The following FARS2 variants were observed in gnomAD, a reference collection of about 807,000 sequenced individuals.
FARS2 encodes the protein phenylalanine--tRNA ligase, mitochondrial.
FARS2 carries 40 observed loss-of-function variants against 46.4 expected under a neutral mutation model. The observed-to-expected ratio is 0.86, with a 90% CI of 0.67 to 1.12. FARS2 has a LOEUF of 1.12. Among genes scored for constraint, FARS2 ranks in the 50% most tolerant of loss-of-function variants. The probability of loss-of-function intolerance (pLI) is 0.00; values close to 1 mark genes in which losing one functional copy is unlikely to be tolerated. For missense variants in FARS2, 513 were observed against 567.9 expected (o/e 0.90, Z 0.98); for synonymous variants, 234 against 214.9 (o/e 1.09, Z -0.78).
intron 1 of FARS2, among the ~76,000 whole-genome samples, chr6:5,330,350 A>G (rs1450974507): frequency 1.3e-5 from 2 of 152,070 alleles, no homozygotes; most frequent in Non-Finnish European, 1.5e-5. Context: ...TCTGAGACCT[A>G]CTTCGCCATG....
intron 5 of FARS2, among the ~76,000 whole-genome samples, chr6:5,575,617 T>G (rs1330872158): frequency 6.6e-6 from 1 of 152,244 alleles, no homozygotes. Flanking sequence ...CTCCCCATAG[T>G]GTCCTTAATT....
chr6:5,272,087 C>T (rs1765996625), intron 1 of FARS2, among the ~76,000 whole-genome samples: 1 of 152,024 alleles, frequency 6.6e-6, no homozygotes, highest in Admixed American at 6.6e-5. Flanking sequence ...GAAACCTGCC[C>T]AGGGCATGAA....
intron 1 of FARS2, among the ~76,000 whole-genome samples, chr6:5,280,963 T>C (rs534748933): frequency 9.8e-5 from 15 of 152,330 alleles, no homozygotes; most frequent in African/African-American, 3.6e-4. Context: ...TTTTGATTTA[T>C]ATTATTTTAA....
At chr6:5,558,330 G>A (rs1771786509) in intron 5 of FARS2, among the ~76,000 whole-genome samples, 1 of 152,190 alleles carries the variant, frequency 6.6e-6, no homozygotes, top group African/African-American at 2.4e-5. Context: ...TACTTTGTAG[G>A]TAGAGTGTCA....
intron 6 of FARS2, among the ~76,000 whole-genome samples, chr6:5,667,395 A>T (rs780832539): frequency 3.3e-5 from 5 of 151,830 alleles, no homozygotes; most frequent in African/African-American, 1.2e-4. Context: ...GTGCATGCCT[A>T]AAGTCCCAGC....
chr6:5,266,273 C>T (rs577598626), intron 1 of FARS2, among the ~76,000 whole-genome samples: 11 of 152,088 alleles, frequency 7.2e-5, no homozygotes, highest in Admixed American at 1.3e-4. Flanking sequence ...GGTAATACAT[C>T]GGCTTTCATA....
chr6:5,560,117 G>A (rs1473754929), intron 5 of FARS2, among the ~76,000 whole-genome samples: 1 of 152,088 alleles, frequency 6.6e-6, no homozygotes, highest in Admixed American at 6.5e-5. Flanking sequence ...CGAACTAAAT[G>A]AACTATGGTG....
rs533362075 is a variant in FARS2, at chr6:5,416,327, C to T, written c.772+11626C>T. Among the ~76,000 whole-genome samples the T allele has an allele frequency of 2.0e-4, 30 of 152,278 alleles. No individual in the cohort carries two copies. The South Asian group carries it at 5.0e-3, about 25-fold the overall frequency. On this transcript the variant is annotated intron_variant, in intron 3 of 6. Coordinates refer to ENST00000274680, the MANE Select transcript of FARS2 (RefSeq NM_006567.5). ...AGAATTTTATGGATGATCTGAGGTA[C>T]GGATTGAAATTTTGTTTTCCATATT...
chr6:5,392,313 G>A (rs1259488799), intron 2 of FARS2, among the ~76,000 whole-genome samples: 2 of 152,092 alleles, frequency 1.3e-5, no homozygotes, highest in Non-Finnish European at 2.9e-5. Context: ...TCTGTGTTGT[G>A]TTGTGCACAT....
intron 3 of FARS2, among the ~76,000 whole-genome samples, chr6:5,418,404 C>T (rs1465496866): frequency 6.6e-6 from 1 of 152,204 alleles, no homozygotes; most frequent in Admixed American, 6.5e-5. Context: ...CTAGGCAGGA[C>T]CAGTATAGAG....
chr6:5,439,146 T>C (rs1763700376), intron 4 of FARS2, among the ~76,000 whole-genome samples: 1 of 152,222 alleles, frequency 6.6e-6, no homozygotes, highest in Non-Finnish European at 1.5e-5. Flanking sequence ...CTTAAGGGGT[T>C]AGTCTGCAAC....
intron 6 of FARS2, among the ~76,000 whole-genome samples, chr6:5,730,701 A>G (rs899827143): frequency 5.3e-5 from 8 of 152,184 alleles, no homozygotes; most frequent in Admixed American, 2.0e-4. Context: ...AGAGTTGGCA[A>G]TCTTCTAGAG....
At chr6:5,584,344 A>C (rs1233282993) in intron 5 of FARS2, among the ~76,000 whole-genome samples, 1 of 152,180 alleles carries the variant, frequency 6.6e-6, no homozygotes, top group Non-Finnish European at 1.5e-5. Flanking sequence ...TAATTTTTGC[A>C]ACATCATCAT....
intron 6 of FARS2, among the ~76,000 whole-genome samples, chr6:5,730,655 G>A (rs1263630111): frequency 6.6e-6 from 1 of 152,078 alleles, no homozygotes; most frequent in East Asian, 1.9e-4. Flanking sequence ...CCTCCTAAGA[G>A]GAGCAAAATA....
chr6:5,545,153 A>C, intron 4 of FARS2, 27 bp from the exon 5 acceptor site: 1 of 1,611,944 alleles, frequency 6.2e-7, no homozygotes, highest in Non-Finnish European at 8.5e-7. Flanking sequence ...ACTTTTTAAA[A>C]ACAACTATTT....
intron 2 of FARS2, among the ~76,000 whole-genome samples, chr6:5,376,119 A>T (rs1294961825): frequency 6.6e-6 from 1 of 152,086 alleles, no homozygotes; most frequent in Admixed American, 6.5e-5. Context: ...CTTTTACATG[A>T]TCACTACCAA....
At chr6:5,628,837 GTTTAA>G (rs1419789397) in intron 6 of FARS2, among the ~76,000 whole-genome samples, 1 of 152,330 alleles carries the variant, frequency 6.6e-6, no homozygotes, top group African/African-American at 2.4e-5. Flanking sequence ...CTCTCCTGTT[GTTTAA>G]GCTGGTTTGA....
chr6:5,331,950 T>G (rs1159535702), intron 1 of FARS2, among the ~76,000 whole-genome samples: 1 of 152,190 alleles, frequency 6.6e-6, no homozygotes, highest in Admixed American at 6.5e-5. Flanking sequence ...TCCCATTTCC[T>G]GAGCCCTAAT....
intron 4 of FARS2, among the ~76,000 whole-genome samples, chr6:5,446,847 C>G (rs765962988): frequency 2.0e-5 from 3 of 152,162 alleles, no homozygotes; most frequent in Admixed American, 2.0e-4. Context: ...CCATTTCCCC[C>G]GCTGTGTCAT....
Sources: gnomAD v4.1 joint callset for allele counts (sites outside exome capture counted in the v4.1 genomes callset) on GRCh38, gnomAD v4.1.1 for gene constraint, MANE v1.5 for transcripts, NCBI Gene and HGNC (gene_info 2026-07-23, HGNC 2026-07-21) for gene names.